Variants in CHRM3 observed in about 807,000 individuals in gnomAD.
CHRM3 encodes the protein muscarinic acetylcholine receptor M3.
CHRM3 carries 11 observed loss-of-function variants against 41.8 expected under a neutral mutation model. That is an observed-to-expected ratio of 0.26 (90% confidence interval 0.17 to 0.44). CHRM3 has a LOEUF of 0.44. Ranked by LOEUF, CHRM3 falls within the 20% of genes least tolerant of loss-of-function variation. CHRM3 has a pLI of 1.00. For synonymous variants in CHRM3, 297 were observed against 301.4 expected, an observed-to-expected ratio of 0.99 and a Z score of 0.15; for missense variants, 571 against 745.4, an observed-to-expected ratio of 0.77 and a Z score of 2.72.
At chr1:239,519,716 A>G (rs1008853895) in intron 2 of CHRM3, among the ~76,000 whole-genome samples, 4 of 119,812 alleles carry the variant, frequency 3.3e-5, no homozygotes, top group African/African-American at 1.2e-4. Flanking sequence ...TTACCTTGCC[A>G]TTTTCACGTG....
intron 2 of CHRM3, among the ~76,000 whole-genome samples, chr1:239,543,497 G>T (rs576513793): frequency 6.6e-6 from 1 of 151,554 alleles, no homozygotes; most frequent in Admixed American, 6.6e-5. Context: ...CCAGAAATCA[G>T]CAACCGATTT....
intron 5 of CHRM3, among the ~76,000 whole-genome samples, chr1:239,766,481 G>A (rs1483811939): frequency 3.3e-5 from 5 of 152,020 alleles, no homozygotes; most frequent in Non-Finnish European, 7.3e-5. Flanking sequence ...CATGACACAA[G>A]TTAACCTATG....
intron 2 of CHRM3, among the ~76,000 whole-genome samples, chr1:239,544,582 A>G (rs1659105991): frequency 6.6e-6 from 1 of 152,228 alleles, no homozygotes; most frequent in Non-Finnish European, 1.5e-5. Context: ...CAAGTAAATT[A>G]AAGGATTGAC....
chr1:239,771,991 G>C (rs1488853405), intron 5 of CHRM3, among the ~76,000 whole-genome samples: 1 of 152,172 alleles, frequency 6.6e-6, no homozygotes, highest in African/African-American at 2.4e-5. Flanking sequence ...AGAGGAGATA[G>C]AGACATACAA....
In CHRM3 at chr1:239,470,260, AG is replaced by A. The variant is rs538441218; in HGVS notation, c.-520-22448del. ...CCAAGGAACACTAAGTGTTGCTGGC[AG>A]CCACCAAAAGCTCAGAGAATGTAGA... On this transcript the variant is annotated intron_variant, in intron 1 of 6. Transcript: ENST00000676153. Among the ~76,000 whole-genome samples, 426 of 152,292 alleles carry A rather than the reference AG, an allele frequency of 2.8e-3. 3 individuals are homozygous for A. The Middle Eastern group carries it at 0.044, about 16-fold the overall frequency.
intron 6 of CHRM3, among the ~76,000 whole-genome samples, chr1:239,837,874 G>C (rs1485578740): frequency 1.3e-5 from 2 of 152,154 alleles, no homozygotes; most frequent in African/African-American, 4.8e-5. Flanking sequence ...AGTAGGCCAA[G>C]CTGTACCTGC....
intron 5 of CHRM3, among the ~76,000 whole-genome samples, chr1:239,678,666 A>G (rs1326102632): frequency 2.6e-5 from 4 of 152,174 alleles, no homozygotes; most frequent in African/African-American, 9.7e-5. Context: ...ATTCTTACAG[A>G]AAAACATCGA....
chr1:239,741,281 A>G (rs1664823578), intron 5 of CHRM3, among the ~76,000 whole-genome samples: 1 of 152,184 alleles, frequency 6.6e-6, no homozygotes, highest in Non-Finnish European at 1.5e-5. Context: ...ATCTAATAGT[A>G]ATAAACTTGG....
intron 5 of CHRM3, among the ~76,000 whole-genome samples, chr1:239,804,293 C>G (rs1670448719): frequency 6.6e-6 from 1 of 151,914 alleles, no homozygotes; most frequent in Admixed American, 6.6e-5. Flanking sequence ...GAGAAATTGA[C>G]TTCTTTCCTT....
chr1:239,585,580 C>T (rs1663322555), intron 3 of CHRM3, among the ~76,000 whole-genome samples: 1 of 152,098 alleles, frequency 6.6e-6, no homozygotes, highest in Admixed American at 6.5e-5. Flanking sequence ...AGAGTGAATG[C>T]CCAGCTGAAT....
At chr1:239,557,815 T>C (rs1484151214) in intron 3 of CHRM3, among the ~76,000 whole-genome samples, 1 of 152,160 alleles carries the variant, frequency 6.6e-6, no homozygotes, top group Non-Finnish European at 1.5e-5. Context: ...GGACATGATT[T>C]GTTGTTTGTT....
chr1:239,908,309 T>A lies in CHRM3; in HGVS notation c.858T>A (p.Ser286Arg). The A allele has an allele frequency of 6.2e-7, 1 of 1,614,058 alleles. No individual in the cohort carries two copies. Among genetic ancestry groups the A allele is most frequent in the Non-Finnish European group, 8.5e-7 (1 of 1,180,018 alleles). Residue 286 changes from serine to arginine, a missense_variant, in exon 7 of 7, where the codon AGT becomes AGA. Physicochemically the swap from Ser to Arg is moderately radical, Grantham distance 110. This residue lies in a region of CHRM3 where 153 missense variants were observed against 296.3 expected (regional missense o/e 0.52). Coordinates refer to ENST00000676153, the MANE Select transcript of CHRM3 (RefSeq NM_001375978.1). This position sits in a 1 kb window ranked among gnomAD's most constrained non-coding sequence, Gnocchi z 7.2. ...AAAACTTTGTCCACCCCACGGGCAG[T>A]TCTCGAAGCTGCAGCAGTTACGAAC... is the stretch of plus-strand genomic sequence containing the variant. ...ETENFVHPTGSSRSCSSYELQ... is the reference protein window; with the variant it reads ...ETENFVHPTGRSRSCSSYELQ...
At chr1:239,501,810 G>A (rs893920639) in intron 2 of CHRM3, among the ~76,000 whole-genome samples, 14 of 152,152 alleles carry the variant, frequency 9.2e-5, no homozygotes, top group South Asian at 4.1e-4. Flanking sequence ...AGCTGAGATC[G>A]CGCTGCTGCA....
intron 5 of CHRM3, among the ~76,000 whole-genome samples, chr1:239,723,785 C>A (rs1000098317): frequency 1.3e-5 from 2 of 151,770 alleles, no homozygotes; most frequent in African/African-American, 4.8e-5. Context: ...CGTTTTAAGG[C>A]CCTCCTCTTC....
At chr1:239,615,531 G>A (rs183840378) in intron 3 of CHRM3, among the ~76,000 whole-genome samples, 1 of 152,144 alleles carries the variant, frequency 6.6e-6, no homozygotes, top group African/African-American at 2.4e-5. Context: ...TGCATTCATT[G>A]TTCAACCGTA....
intron 5 of CHRM3, among the ~76,000 whole-genome samples, chr1:239,714,707 T>C (rs764485818): frequency 6.6e-5 from 10 of 152,096 alleles, no homozygotes; most frequent in Non-Finnish European, 1.5e-4. Flanking sequence ...GAATTGTGCC[T>C]AGAAAATATT....
intron 1 of CHRM3, among the ~76,000 whole-genome samples, chr1:239,448,966 G>T (rs1664364761): frequency 6.6e-6 from 1 of 152,138 alleles, no homozygotes; most frequent in Non-Finnish European, 1.5e-5. Context: ...AAAGTATGAA[G>T]TTGTGGAATA....
Position 239,614,154 on chromosome 1 carries a change from G to A in CHRM3, c.-312-18070G>A, listed in dbSNP as rs146693967. ...TGCACTCAAGCCTGGGTGACAGAAT[G>A]AGACCCTGTCTCTAATAATAATGAT... On this transcript the variant is annotated intron_variant, in intron 3 of 6. Transcript: ENST00000676153. Among the ~76,000 whole-genome samples the A allele has an allele frequency of 3.2e-3, 481 of 152,240 alleles. 1 individual carries two copies. The highest frequency in any genetic ancestry group is 0.011 in the African/African-American group (461 of 41,544).
chr1:239,884,257 G>A (rs1192189113), intron 6 of CHRM3, among the ~76,000 whole-genome samples: 1 of 152,164 alleles, frequency 6.6e-6, no homozygotes, highest in Non-Finnish European at 1.5e-5. Flanking sequence ...TCCAATAACA[G>A]GTGTCCTCAT....
Sources: gnomAD v4.1 joint callset for allele counts (sites outside exome capture counted in the v4.1 genomes callset) on GRCh38, gnomAD v4.1.1 for gene constraint, gnomAD v4.1.1 regional missense constraint, Gnocchi (gnomAD v3.1) non-coding constraint, MANE v1.5 for transcripts, NCBI Gene and HGNC (gene_info 2026-07-23, HGNC 2026-07-21) for gene names.